The following COL23A1 variants were observed in gnomAD, a reference collection of about 807,000 sequenced individuals.
The protein encoded by COL23A1 is collagen type XXIII alpha 1 chain, also known as collagen alpha-1(XXIII) chain.
Under a neutral mutation model 99.3 loss-of-function variants are expected in COL23A1, and 97 were observed. The ratio of observed to expected loss-of-function variants is 0.98; its 90% confidence interval spans 0.83 to 1.16. The LOEUF (loss-of-function observed/expected upper bound fraction) is 1.16, where lower values mean the gene tolerates loss of function less well. Among genes scored for constraint, COL23A1 ranks in the 50% most tolerant of loss-of-function variants. The pLI is 0.00. For missense variants in COL23A1, 762 were observed against 757.4 expected, an observed-to-expected ratio of 1.01 and a Z score of -0.07; for synonymous variants, 320 against 308.2, an observed-to-expected ratio of 1.04 and a Z score of -0.40.
chr5:178,544,898 G>A lies in COL23A1; in HGVS notation c.361+15784C>T, dbSNP rs968413614. Among the ~76,000 whole-genome samples, 7 of 152,042 alleles carry A rather than the reference G, an allele frequency of 4.6e-5. No individual in the cohort carries two copies. The highest frequency in any genetic ancestry group is 2.1e-4 in the South Asian group (1 of 4,812). On this transcript the variant is annotated intron_variant, in intron 2 of 28. Coordinates refer to ENST00000390654, the MANE Select transcript of COL23A1 (RefSeq NM_173465.4). This position sits in a 1 kb window ranked among gnomAD's most constrained non-coding sequence, Gnocchi z 4.4. Reference sequence around the variant, plus strand: ...CAGGCTGAGCAACACAGCAAACCCCGTCTCTAGAACAACAACAACAAAAAA... The same window carrying A: ...CAGGCTGAGCAACACAGCAAACCCCATCTCTAGAACAACAACAACAAAAAA...
At position 178,257,670 on chromosome 5, in the gene COL23A1, G is replaced by A. The variant is rs540444363; in HGVS notation, c.730-103C>T. 97 of 1,212,668 alleles carry A rather than the reference G, an allele frequency of 8.0e-5. 1 individual carries two copies. The highest frequency in any genetic ancestry group is 2.3e-4 in the Middle Eastern group (1 of 4,322). 75.1% of individuals were successfully genotyped at this position (1,212,668 alleles called of 1,614,324 possible). ...GCACACCAGTCTGCTCCTGGCATCT[G>A]CACTGGCACATGGTACCAGGCAGCT... On this transcript the variant is annotated intron_variant, in intron 12 of 28. Transcript: ENST00000390654.
chr5:178,524,555 C>A (rs1187626462), intron 2 of COL23A1, among the ~76,000 whole-genome samples: 1 of 152,208 alleles, frequency 6.6e-6, no homozygotes, highest in Non-Finnish European at 1.5e-5. Flanking sequence ...TCAGCACAGG[C>A]AAAGGTCCTG....
chr5:178,443,257 C>T (rs1468239654), intron 2 of COL23A1, among the ~76,000 whole-genome samples: 1 of 152,210 alleles, frequency 6.6e-6, no homozygotes, highest in Non-Finnish European at 1.5e-5. Flanking sequence ...CAGTGAGCTG[C>T]AACTTCAGAG....
chr5:178,360,476 G>C (rs150085206), intron 2 of COL23A1, among the ~76,000 whole-genome samples: 1 of 152,200 alleles, frequency 6.6e-6, no homozygotes, highest in Admixed American at 6.5e-5. Context: ...CTCATGTGGG[G>C]GGGGATGGAG....
In COL23A1 at chr5:178,358,314, GTA is replaced by G. The variant is rs879687830; in HGVS notation, c.362-51397_362-51396del. Among the ~76,000 whole-genome samples, 39 of 141,356 alleles carry G rather than the reference GTA, an allele frequency of 2.8e-4. 1 individual carries two copies. Among genetic ancestry groups the G allele is most frequent in the East Asian group, 1.3e-3 (6 of 4,676 alleles). The allele number at this position is 141,356 out of a possible 152,430, so 92.7% of individuals were successfully genotyped here. On this transcript the variant is annotated intron_variant, in intron 2 of 28. Transcript: ENST00000390654. ...CGTATATGTATGTATGTATGTGTGT[GTA>G]TGTGTATGTGTATGTATGTCTAATG...
chr5:178,246,229 A>G lies in COL23A1; in HGVS notation c.1413+25T>C, dbSNP rs377176056. On this transcript the variant is annotated intron_variant, in intron 24 of 28. Coordinates refer to ENST00000390654, the MANE Select transcript of COL23A1 (RefSeq NM_173465.4). ...CATGACCAGGTGGCCACGGTTGGAG[A>G]GGGAGTTCCGAATGAGGCGGTTACC... is the stretch of plus-strand genomic sequence containing the variant. 1.7e-5 allele frequency: 27 copies of G among 1,552,780 alleles called. No homozygotes were observed. In the East Asian group the frequency reaches 2.7e-4, roughly 15 times the overall value.
intron 2 of COL23A1, among the ~76,000 whole-genome samples, chr5:178,560,111 T>C (rs1445135104): frequency 6.6e-6 from 1 of 152,238 alleles, no homozygotes; most frequent in African/African-American, 2.4e-5. Context: ...TTGAGCCATG[T>C]GGATTAGAAG....
At chr5:178,295,468 G>GA (rs1280038520) in intron 3 of COL23A1, among the ~76,000 whole-genome samples, 1 of 152,058 alleles carries the variant, frequency 6.6e-6, no homozygotes, top group Non-Finnish European at 1.5e-5. Context: ...TCAAAAAAAT[G>GA]AAAAAAATCT....
intron 1 of COL23A1, among the ~76,000 whole-genome samples, chr5:178,569,034 C>T (rs992649344): frequency 3.9e-5 from 6 of 152,212 alleles, no homozygotes; most frequent in Non-Finnish European, 8.8e-5. Context: ...TCATTTTACA[C>T]TGCCACCAGC....
chr5:178,304,130 T>C (rs1157597647), intron 3 of COL23A1, among the ~76,000 whole-genome samples: 1 of 152,116 alleles, frequency 6.6e-6, no homozygotes, highest in Non-Finnish European at 1.5e-5. Flanking sequence ...GCTACTGCAC[T>C]GAAGGCAGGC....
At chr5:178,420,809 T>C (rs1765595500) in intron 2 of COL23A1, among the ~76,000 whole-genome samples, 1 of 150,094 alleles carries the variant, frequency 6.7e-6, no homozygotes, top group Admixed American at 6.6e-5. Context: ...TTGCTCCACT[T>C]TGGGGTGGTC....
chr5:178,573,728 G>C (rs574951260), intron 1 of COL23A1, among the ~76,000 whole-genome samples: 1 of 152,154 alleles, frequency 6.6e-6, no homozygotes, highest in Non-Finnish European at 1.5e-5. Flanking sequence ...TAGTGATATA[G>C]TCATACAATG....
chr5:178,419,931 C>G (rs752967199), intron 2 of COL23A1, among the ~76,000 whole-genome samples: 1 of 152,204 alleles, frequency 6.6e-6, no homozygotes, highest in African/African-American at 2.4e-5. Flanking sequence ...GTCACTTTAC[C>G]CTTTTTGTCT....
At chr5:178,513,935 T>C (rs1759360993) in intron 2 of COL23A1, among the ~76,000 whole-genome samples, 2 of 152,236 alleles carry the variant, frequency 1.3e-5, no homozygotes, top group Admixed American at 1.3e-4. Context: ...CCATTTATAA[T>C]TGTCCGGGTC....
At chr5:178,515,948 C>T (rs932776092) in intron 2 of COL23A1, among the ~76,000 whole-genome samples, 2 of 152,110 alleles carry the variant, frequency 1.3e-5, no homozygotes, top group African/African-American at 4.8e-5. Flanking sequence ...CCCTGCCAGA[C>T]GCCTCTGCAC....
intron 2 of COL23A1, among the ~76,000 whole-genome samples, chr5:178,335,406 G>A (rs1760261508): frequency 6.6e-6 from 1 of 152,204 alleles, no homozygotes; most frequent in Admixed American, 6.5e-5. Context: ...CAGTCCCATA[G>A]GAAGAGCGGT....
At chr5:178,572,372 A>G (rs1763154402) in intron 1 of COL23A1, among the ~76,000 whole-genome samples, 1 of 152,222 alleles carries the variant, frequency 6.6e-6, no homozygotes, top group Non-Finnish European at 1.5e-5. Context: ...AGAATAGTCA[A>G]AAAGTGTTTT....
intron 2 of COL23A1, among the ~76,000 whole-genome samples, chr5:178,404,769 G>A (rs1764666256): frequency 6.6e-6 from 1 of 152,122 alleles, no homozygotes; most frequent in South Asian, 2.1e-4. Flanking sequence ...AGGCCTTGAG[G>A]GTTGACAGAG....
At chr5:178,388,073 G>C (rs994176107) in intron 2 of COL23A1, among the ~76,000 whole-genome samples, 9 of 152,152 alleles carry the variant, frequency 5.9e-5, no homozygotes, top group Non-Finnish European at 1.2e-4. Flanking sequence ...CTTCCAGTAG[G>C]CTCACCTGCC....
Sources: gnomAD v4.1 joint callset for allele counts (sites outside exome capture counted in the v4.1 genomes callset) on GRCh38, gnomAD v4.1.1 for gene constraint, Gnocchi (gnomAD v3.1) non-coding constraint, MANE v1.5 for transcripts, NCBI Gene and HGNC (gene_info 2026-07-23, HGNC 2026-07-21) for gene names.